The following WDR75 variants were observed in gnomAD, a reference collection of about 807,000 sequenced individuals.
The protein encoded by WDR75 is WD repeat-containing protein 75.
Under a neutral mutation model 106.1 loss-of-function variants are expected in WDR75, and 52 were observed. The ratio of observed to expected loss-of-function variants is 0.49; its 90% CI spans 0.39 to 0.62. The LOEUF (loss-of-function observed/expected upper bound fraction) is 0.62. WDR75 is among the 20% of genes least tolerant of loss of function. The pLI is 0.00. For missense variants in WDR75, 905 were observed against 970.3 expected (o/e 0.93, Z 0.89); for synonymous variants, 333 against 335.5 (o/e 0.99, Z 0.08).
At chr2:189,441,637 G>T (rs369444319) in intron 1 of WDR75, 59 bp downstream of exon 1, 18 of 1,528,148 alleles carry the variant, frequency 1.2e-5, no homozygotes, top group Non-Finnish European at 1.6e-5. Context: ...CTCGAGGGTC[G>T]GGGAGAAGGA....
At chr2:189,465,040 A>T (rs1298208234) in intron 11 of WDR75, 39 bp from the exon 12 acceptor site, 1 of 1,408,020 alleles carries the variant, frequency 7.1e-7, no homozygotes, top group Non-Finnish European at 9.8e-7. Context: ...TATTTATGTT[A>T]ATAAACATTT....
In WDR75 at chr2:189,475,461, G is replaced by T. The variant is rs1158613664; in HGVS notation, c.*44G>T. ...ATCCTTGGACTTTGTGTTTTTGATTGTATGTTGATATTCTAAAAACATCTA... is the reference window on the plus strand; with the variant it reads ...ATCCTTGGACTTTGTGTTTTTGATTTTATGTTGATATTCTAAAAACATCTA... On this transcript the variant is annotated 3_prime_UTR_variant, in exon 21 of 21. Transcript: ENST00000314761. 8.5e-7 allele frequency: 1 copy of T among 1,172,362 alleles called. No individual in the cohort carries two copies. The allele number at this position is 1,172,362 out of a possible 1,614,324, so 72.6% of individuals were successfully genotyped here.
At chr2:189,472,501 TTTTCTGGAAGA>T (rs1047649272) in intron 18 of WDR75, among the ~76,000 whole-genome samples, 2 of 152,192 alleles carry the variant, frequency 1.3e-5, no homozygotes, top group African/African-American at 4.8e-5. Context: ...TTTTTGTTTG[TTTTCTGGAAGA>T]TTTCCTCATC....
At position 189,457,397 on chromosome 2, in the gene WDR75, T is replaced by C. The variant is rs770851556; in HGVS notation, c.569+16T>C. The C allele has an allele frequency of 2.7e-6, 4 of 1,478,262 alleles. No individual in the cohort carries two copies. The South Asian group carries it at 4.6e-5, about 17-fold the overall frequency. The allele number at this position is 1,478,262 out of a possible 1,614,324, so 91.6% of individuals were successfully genotyped here. The stretch of plus-strand genomic sequence containing the variant: ...CAACATCAAGGTAAGAATTATTTTT[T>C]ATTAGCTTTATTTTATTTGCTCAAG... On this transcript the variant is annotated intron_variant, in intron 6 of 20. Coordinates refer to ENST00000314761, the MANE Select transcript of WDR75 (RefSeq NM_032168.3).
In WDR75 at chr2:189,467,410, C is replaced by T. The variant is rs902067088; in HGVS notation, c.1448-58C>T. 3 of 1,507,170 alleles carry T rather than the reference C, an allele frequency of 2.0e-6. No individual in the cohort carries two copies. The African/African-American group carries it at 4.2e-5, about 21-fold the overall frequency. 93.4% of individuals were successfully genotyped at this position (1,507,170 alleles called of 1,614,324 possible). A position where few individuals can be genotyped will look rare whatever the true frequency, so the allele number is the denominator to read the frequency against. On this transcript the variant is annotated intron_variant, in intron 13 of 20. Transcript: ENST00000314761. Reference sequence around the variant, plus strand: ...GATAATGGGAAACTAGGGGGAACTACTGTAGCATTCTCTAGCATTTACACA... The same window carrying T: ...GATAATGGGAAACTAGGGGGAACTATTGTAGCATTCTCTAGCATTTACACA...
chr2:189,448,684 A>G, intron 2 of WDR75, 176 bp downstream of exon 2: 1 of 800,446 alleles, frequency 1.2e-6, no homozygotes, highest in Non-Finnish European at 2.1e-6. Flanking sequence ...TCTGTGAACC[A>G]TTTGTTCCAC....
At chr2:189,455,550 C>G in intron 5 of WDR75, 106 bp downstream of exon 5, 3 of 1,400,690 alleles carry the variant, frequency 2.1e-6, no homozygotes, top group Non-Finnish European at 2.9e-6. Flanking sequence ...CCTTGAATTA[C>G]TATATTTGTA....
intron 2 of WDR75, chr2:189,450,431 C>A: frequency 1.1e-6 from 1 of 906,500 alleles, no homozygotes; most frequent in Non-Finnish European, 1.3e-6. Flanking sequence ...TGATTGATCT[C>A]AGCTCACTGC....
At chr2:189,449,324 A>G in intron 2 of WDR75, 3 of 1,301,872 alleles carry the variant, frequency 2.3e-6, no homozygotes, top group Non-Finnish European at 3.0e-6. Context: ...ATAAAGTAGC[A>G]CCGATCTTTT....
intron 1 of WDR75, among the ~76,000 whole-genome samples, chr2:189,446,441 T>TTATA (rs1421030247): frequency 1.3e-5 from 2 of 152,180 alleles, no homozygotes; most frequent in Admixed American, 6.5e-5. Context: ...AAAGGGCAGG[T>TTATA]TATATATCGC....
Position 189,455,365 on chromosome 2 carries a change from A to C in WDR75, c.419A>C (p.Gln140Pro). The stretch of plus-strand genomic sequence containing the variant: ...GTGAAACTGCCAAAATCCTCAAGCC[A>C]GGAAGTAGAAGCCAAGGAGCTGTCC... ...VSVKLPKSSS[Q>P]EVEAKELSFV... The change falls in exon 5 of 21, where the codon CAG (glutamine) becomes CCG (proline). Residue 140 changes from glutamine (Q) to proline (P), a missense_variant. Transcript: ENST00000314761. The C allele has an allele frequency of 2.5e-6, 4 of 1,614,216 alleles. No homozygotes were observed. The highest frequency in any genetic ancestry group is 3.4e-6 in the Non-Finnish European group (4 of 1,180,022).
Position 189,470,254 on chromosome 2 carries a change from C to G in WDR75, c.1989+9C>G. 1 of 1,607,644 alleles carries G rather than the reference C, an allele frequency of 6.2e-7. No individual in the cohort carries two copies. The highest frequency in any genetic ancestry group is 8.5e-7 in the Non-Finnish European group (1 of 1,176,996). On this transcript the variant is annotated intron_variant, in intron 17 of 20. Transcript: ENST00000314761. ...TCCTAACAAAATCACAGGTAACTGC[C>G]TCCCTCAAAAAAGGCGATCACTTTG...
At chr2:189,448,649 C>T in intron 2 of WDR75, 141 bp downstream of exon 2, 1 of 1,081,304 alleles carries the variant, frequency 9.2e-7, no homozygotes, top group Non-Finnish European at 1.4e-6. Flanking sequence ...TTTCCACTTG[C>T]TAAATTACAT....
chr2:189,455,779 G>A (rs1484863922), intron 5 of WDR75, among the ~76,000 whole-genome samples: 1 of 152,012 alleles, frequency 6.6e-6, no homozygotes, highest in East Asian at 1.9e-4. Flanking sequence ...AATATAATGA[G>A]GAAATAAAAC....
intron 2 of WDR75, chr2:189,449,821 C>T (rs528307299): frequency 1.1e-4 from 106 of 984,628 alleles, no homozygotes; most frequent in Non-Finnish European, 1.2e-4. Context: ...TGGTTTTACT[C>T]CAACATTTTT....
chr2:189,456,369 A>T (rs1011299718), intron 5 of WDR75, among the ~76,000 whole-genome samples: 4 of 152,128 alleles, frequency 2.6e-5, no homozygotes, highest in Non-Finnish European at 4.4e-5. Flanking sequence ...CAAAATGTAA[A>T]TTAACCCAAA....
rs556724731 is a variant in WDR75 at position 189,456,711 on chromosome 2, C to T, written c.499-600C>T. Among the ~76,000 whole-genome samples, 670 of 152,170 alleles carry T rather than the reference C, an allele frequency of 4.4e-3. 2 individuals carry two copies. The highest frequency in any genetic ancestry group is 8.8e-3 in the Admixed American group (135 of 15,276). On this transcript the variant is annotated intron_variant, in intron 5 of 20. Coordinates refer to ENST00000314761, the MANE Select transcript of WDR75 (RefSeq NM_032168.3). ...TTGTGGCAGTGGTTATATAGATGTACATGTATATCAAACATTGCATTTTAG... is the reference window on the plus strand; with the variant it reads ...TTGTGGCAGTGGTTATATAGATGTATATGTATATCAAACATTGCATTTTAG...
At chr2:189,455,496 C>T (rs1177856381) in intron 5 of WDR75, 52 bp downstream of exon 5, 1 of 1,576,142 alleles carries the variant, frequency 6.3e-7, no homozygotes, top group Non-Finnish European at 8.6e-7. Flanking sequence ...TTCTTTCCTG[C>T]AATCTCTCTT....
intron 4 of WDR75, among the ~76,000 whole-genome samples, chr2:189,452,558 A>G (rs1289900996): frequency 6.6e-6 from 1 of 151,400 alleles, no homozygotes; most frequent in Non-Finnish European, 1.5e-5. Flanking sequence ...TGTCTCCAAA[A>G]AAAAAAAAAA....
Sources: allele counts gnomAD v4.1 joint callset (sites outside exome capture counted in the v4.1 genomes callset), GRCh38; gene constraint gnomAD v4.1.1; transcripts MANE v1.5; gene names NCBI Gene and HGNC (gene_info 2026-07-23, HGNC 2026-07-21).